The following HSF5 variants were observed in gnomAD, a reference collection of about 807,000 sequenced individuals.
The protein encoded by HSF5 is heat shock factor protein 5.
In HSF5, 5 loss-of-function variants were observed where a neutral mutation model predicts 50.8. That is an observed-to-expected ratio of 0.10 (90% CI 0.05 to 0.21). The LOEUF (loss-of-function observed/expected upper bound fraction) is 0.21. Among genes scored for constraint, HSF5 ranks in the 10% least tolerant of loss-of-function variants. The pLI, the probability that HSF5 is intolerant of heterozygous loss-of-function variation, is 1.00. For missense variants in HSF5, 564 were observed against 762.6 expected, an observed-to-expected ratio of 0.74 and a Z score of 3.07; for synonymous variants, 307 against 307.4, an observed-to-expected ratio of 1.00 and a Z score of 0.02.
chr17:58,441,478 A>C (rs565248046), intron 5 of HSF5, among the ~76,000 whole-genome samples: 1 of 152,296 alleles, frequency 6.6e-6, no homozygotes, highest in East Asian at 1.9e-4. Context: ...GAAGAAAGTA[A>C]ACCCAAAGTG....
chr17:58,471,118 T>A (rs1223847085), intron 2 of HSF5, among the ~76,000 whole-genome samples: 1 of 152,154 alleles, frequency 6.6e-6, no homozygotes, highest in Non-Finnish European at 1.5e-5. Context: ...TTGGGGAAGA[T>A]GAAAAAGTTC....
intron 2 of HSF5, among the ~76,000 whole-genome samples, chr17:58,474,533 TA>T (rs1179447535): frequency 6.6e-6 from 1 of 152,182 alleles, no homozygotes; most frequent in Non-Finnish European, 1.5e-5. Flanking sequence ...ATTCTTACCT[TA>T]AACACTTGGA....
At chr17:58,445,589 C>T (rs1974550588) in intron 5 of HSF5, among the ~76,000 whole-genome samples, 1 of 152,140 alleles carries the variant, frequency 6.6e-6, no homozygotes, top group South Asian at 2.1e-4. Flanking sequence ...TCACGTGCTA[C>T]AACATGAATG....
Position 58,488,167 on chromosome 17 carries a change from G to C in HSF5, c.108C>G (p.Gly36=), listed in dbSNP as rs1313006577. Residue 36 remains glycine (G), a synonymous_variant, in exon 1 of 6, where the codon GGC becomes GGG. Coordinates refer to ENST00000323777, the MANE Select transcript of HSF5 (RefSeq NM_001080439.3). This position sits in a 1 kb window ranked among gnomAD's most constrained non-coding sequence, Gnocchi z 4.1. ...GCGGCTGATCGATAAGCAGCCCCTC[G>C]CCGCGGCCGTCCCAGCGGATGGAGC... ...RYRSIRWDGR[G]EGLLIDQPLF... 1 of 1,530,130 alleles carries C rather than the reference G, an allele frequency of 6.5e-7. No individual in the cohort carries two copies. Among genetic ancestry groups the C allele is most frequent in the Admixed American group, 2.1e-5 (1 of 46,864 alleles). The allele number at this position is 1,530,130 out of a possible 1,614,324, so 94.8% of individuals were successfully genotyped here. A position where few individuals can be genotyped will look rare whatever the true frequency, so the allele number is the denominator to read the frequency against.
chr17:58,476,550 G>A (rs1975014247), intron 2 of HSF5: 1 of 1,429,720 alleles, frequency 7.0e-7, no homozygotes, highest in Non-Finnish European at 9.8e-7. Context: ...TATTTTCAAG[G>A]TAAGGATTTT....
At chr17:58,471,896 G>A (rs368106789) in intron 2 of HSF5, among the ~76,000 whole-genome samples, 7 of 152,044 alleles carry the variant, frequency 4.6e-5, no homozygotes, top group South Asian at 2.1e-4. Context: ...ATCTGTTGCC[G>A]AGGCGGGAGT....
At chr17:58,449,423 G>A (rs909726758) in intron 5 of HSF5, among the ~76,000 whole-genome samples, 1 of 152,206 alleles carries the variant, frequency 6.6e-6, no homozygotes, top group African/African-American at 2.4e-5. Context: ...CAATGTGCCG[G>A]GCACAGTGGC....
Position 58,477,363 on chromosome 17 carries a change from G to A in HSF5, c.925+2530C>T, listed in dbSNP as rs1171767808. Among the ~76,000 whole-genome samples, 4 of 150,824 alleles carry A rather than the reference G, an allele frequency of 2.7e-5. No homozygotes were observed. In the East Asian group the frequency reaches 7.8e-4, roughly 29 times the overall value. ...TCTCGAACTCCTGACCTCATGAATC[G>A]CCCGCCTCATCCTCCCAAAGCGCTG... On this transcript the variant is annotated intron_variant, in intron 2 of 5. Coordinates refer to ENST00000323777, the MANE Select transcript of HSF5 (RefSeq NM_001080439.3).
In HSF5 at chr17:58,487,954, C is replaced by T. The variant is rs147105379; in HGVS notation, c.321G>A (p.Pro107=). 201 of 1,611,168 alleles carry T rather than the reference C, an allele frequency of 1.2e-4. No individual in the cohort carries two copies. Among genetic ancestry groups the T allele is most frequent in the Admixed American group, 6.7e-4 (40 of 59,906 alleles). Residue 107 remains proline, a synonymous_variant, in exon 1 of 6, where the codon CCG becomes CCA. Transcript: ENST00000323777. ...PGGGKPAGNG[P]LHHFHNPHFR... ...AGTGCGGGTTGTGGAAGTGATGGAG[C>T]GGCCCATTGCCTGCCGGTTTGCCGC...
chr17:58,450,281 G>C (rs1269630714), intron 5 of HSF5, among the ~76,000 whole-genome samples: 1 of 136,496 alleles, frequency 7.3e-6, no homozygotes, highest in African/African-American at 2.7e-5. Context: ...AGAGTTTGCA[G>C]TGAGCCAAGA....
intron 2 of HSF5, 25 bp from the exon 3 acceptor site, chr17:58,467,004 A>C: frequency 6.9e-7 from 1 of 1,453,844 alleles, no homozygotes; most frequent in Non-Finnish European, 9.7e-7. Context: ...AACACAGAAA[A>C]GCCATCAACC....
At chr17:58,455,159 C>G (rs1353545791) in intron 5 of HSF5, among the ~76,000 whole-genome samples, 2 of 151,964 alleles carry the variant, frequency 1.3e-5, no homozygotes, top group Non-Finnish European at 2.9e-5. Flanking sequence ...GAATAGAGAA[C>G]CCAAAAATAA....
intron 5 of HSF5, among the ~76,000 whole-genome samples, chr17:58,456,200 T>A (rs1974711883): frequency 6.7e-6 from 1 of 149,870 alleles, no homozygotes; most frequent in African/African-American, 2.5e-5. Context: ...CACACGTACG[T>A]ACATAAATAT....
At chr17:58,476,312 A>G in intron 2 of HSF5, 1 of 1,089,222 alleles carries the variant, frequency 9.2e-7, no homozygotes, top group Non-Finnish European at 1.4e-6. Context: ...GGGTTTGGCC[A>G]AATACCATCT....
chr17:58,428,200 C>T (rs1209265367), intron 5 of HSF5, among the ~76,000 whole-genome samples: 1 of 152,214 alleles, frequency 6.6e-6, no homozygotes. Context: ...TCTAATAGCA[C>T]ACGCTATGGG....
chr17:58,482,583 C>T (rs1245030919), intron 1 of HSF5, among the ~76,000 whole-genome samples: 1 of 151,272 alleles, frequency 6.6e-6, no homozygotes, highest in Admixed American at 6.6e-5. Context: ...GTGGCACACA[C>T]CTTGTAGTCC....
At chr17:58,426,103 C>G (rs1321371604) in intron 5 of HSF5, among the ~76,000 whole-genome samples, 1 of 152,134 alleles carries the variant, frequency 6.6e-6, no homozygotes, top group African/African-American at 2.4e-5. Context: ...CCAGTTGTAA[C>G]CCTACTTTGA....
chr17:58,479,522 C>G (rs548687719), intron 2 of HSF5, among the ~76,000 whole-genome samples: 1 of 152,048 alleles, frequency 6.6e-6, no homozygotes, highest in Non-Finnish European at 1.5e-5. Flanking sequence ...AGGCTGGTCT[C>G]GAACTCCTGA....
At position 58,479,946 on chromosome 17, in the gene HSF5, T is replaced by C; in HGVS notation, c.872A>G (p.Lys291Arg). 1.9e-6 allele frequency: 3 copies of C among 1,614,090 alleles called. No homozygotes were observed. The highest frequency in any genetic ancestry group is 2.5e-6 in the Non-Finnish European group (3 of 1,179,972). ...TGCTGAGGGTGTGTAGTTACTGTAT[T>C]TTTGGGAGGAGCTGACCATTGTTTG... ...GPQTMVSSSQ[K>R]YSNYTPSAQY... Residue 291 changes from lysine to arginine, a missense_variant, in exon 2 of 6, where the codon AAA becomes AGA. By Grantham distance (26) the Lys-to-Arg change is conservative. Transcript: ENST00000323777.
Sources: gnomAD v4.1 joint callset for allele counts (sites outside exome capture counted in the v4.1 genomes callset) on GRCh38, gnomAD v4.1.1 for gene constraint, Gnocchi (gnomAD v3.1) non-coding constraint, MANE v1.5 for transcripts, NCBI Gene and HGNC (gene_info 2026-07-23, HGNC 2026-07-21) for gene names.